Variants in FRMD6 observed in about 807,000 individuals in gnomAD.
FRMD6 encodes the protein FERM domain containing 6.
In FRMD6, 37 loss-of-function variants were observed where a neutral mutation model predicts 73.2. The ratio of observed to expected loss-of-function variants is 0.51; its 90% confidence interval spans 0.39 to 0.66. The LOEUF (loss-of-function observed/expected upper bound fraction) is 0.66, where lower values mean the gene tolerates loss of function less well. FRMD6 is among the 30% of genes least tolerant of loss of function. The probability of loss-of-function intolerance (pLI) is 0.00; values close to 1 mark genes in which losing one functional copy is unlikely to be tolerated. For synonymous variants in FRMD6, 273 were observed against 282.2 expected, an observed-to-expected ratio of 0.97 and a Z score of 0.33; for missense variants, 714 against 780.5, an observed-to-expected ratio of 0.91 and a Z score of 1.02.
At chr14:51,621,473 G>T (rs1890923973) in intron 2 of FRMD6, among the ~76,000 whole-genome samples, 1 of 152,184 alleles carries the variant, frequency 6.6e-6, no homozygotes, top group South Asian at 2.1e-4. Context: ...GCAACCCAAG[G>T]ACAGGTAGCC....
chr14:51,458,885 G>C, the FRMD6 span, among the ~76,000 whole-genome samples: 1 of 152,200 alleles, frequency 6.6e-6, no homozygotes, highest in Non-Finnish European at 1.5e-5. Context: ...AAACACTCAA[G>C]TTCACTGGTA....
intron 1 of FRMD6, among the ~76,000 whole-genome samples, chr14:51,555,119 G>A (rs1011273539): frequency 6.6e-6 from 1 of 152,192 alleles, no homozygotes; most frequent in Non-Finnish European, 1.5e-5. Flanking sequence ...GGGCAGTGAT[G>A]TAAAAACAGG....
At chr14:51,623,625 A>C (rs1321460155) in intron 2 of FRMD6, among the ~76,000 whole-genome samples, 2 of 152,162 alleles carry the variant, frequency 1.3e-5, no homozygotes, top group Non-Finnish European at 2.9e-5. Context: ...GTTTTCCCAG[A>C]TATCACAGTT....
upstream of FRMD6, chr14:51,650,985 T>C (rs916348548): frequency 6.6e-6 from 1 of 152,322 alleles, no homozygotes; most frequent in Non-Finnish European, 1.5e-5. Context: ...CAGCAGGTCC[T>C]GGTGGGCGCA....
the FRMD6 span, among the ~76,000 whole-genome samples, chr14:51,424,492 C>T: frequency 1.3e-5 from 2 of 152,150 alleles, no homozygotes; most frequent in Non-Finnish European, 2.9e-5. Context: ...AAATTAAAGG[C>T]TGTGAATCAG....
intron 2 of FRMD6, among the ~76,000 whole-genome samples, chr14:51,574,598 T>C (rs1596635007): frequency 6.6e-6 from 1 of 152,102 alleles, no homozygotes; most frequent in East Asian, 1.9e-4. Flanking sequence ...CCTCACTCAT[T>C]TATGGGAGCT....
the FRMD6 span, among the ~76,000 whole-genome samples, chr14:51,427,367 A>G: frequency 6.6e-6 from 1 of 152,250 alleles, no homozygotes; most frequent in Non-Finnish European, 1.5e-5. Context: ...TATGGGTCCA[A>G]AAGAAAGAGG....
intron 9 of FRMD6, 174 bp from the exon 10 acceptor site, chr14:51,715,151 C>T (rs1897169829): frequency 3.8e-6 from 2 of 532,552 alleles, no homozygotes; most frequent in Non-Finnish European, 6.3e-6. Context: ...CTGGTCATCC[C>T]CTGTCCTGTG....
intron 1 of FRMD6, among the ~76,000 whole-genome samples, chr14:51,513,782 CT>C (rs1884459631): frequency 6.6e-6 from 1 of 152,126 alleles, no homozygotes; most frequent in South Asian, 2.1e-4. Context: ...CATCCCATGC[CT>C]TCCTTGTCTC....
chr14:51,628,497 G>A (rs571473964), intron 2 of FRMD6, among the ~76,000 whole-genome samples: 146 of 151,980 alleles, frequency 9.6e-4, no homozygotes, highest in Middle Eastern at 6.8e-3. Flanking sequence ...TGTACTTTCT[G>A]TCTCTATAGA....
chr14:51,537,227 A>G (rs984764189), intron 1 of FRMD6, among the ~76,000 whole-genome samples: 28 of 152,174 alleles, frequency 1.8e-4, no homozygotes, highest in African/African-American at 5.6e-4. Flanking sequence ...TGCATTTTAC[A>G]GAGTGCCATC....
At chr14:51,588,432 G>A (rs1490500633) in intron 2 of FRMD6, among the ~76,000 whole-genome samples, 1 of 152,018 alleles carries the variant, frequency 6.6e-6, no homozygotes, top group Non-Finnish European at 1.5e-5. Flanking sequence ...AGAGAGAGAA[G>A]TTTAAAAGAA....
At chr14:51,496,783 G>A (rs1391582030) in intron 1 of FRMD6, among the ~76,000 whole-genome samples, 2 of 152,146 alleles carry the variant, frequency 1.3e-5, no homozygotes, top group African/African-American at 4.8e-5. Flanking sequence ...CTTCCCATAT[G>A]CAAAATACAC....
the FRMD6 span, among the ~76,000 whole-genome samples, chr14:51,465,191 A>C: frequency 6.6e-6 from 1 of 152,234 alleles, no homozygotes; most frequent in South Asian, 2.1e-4. Context: ...GAGACAAAAA[A>C]CGATAATGCT....
chr14:51,490,616 T>TGTGTGTGTGTG (rs1882938745), intron 1 of FRMD6, among the ~76,000 whole-genome samples: 2 of 148,024 alleles, frequency 1.4e-5, no homozygotes, highest in Non-Finnish European at 3.0e-5. Context: ...TGTGTGTATT[T>TGTGTGTGTGTG]TGTGTGTGTG....
At chr14:51,424,184 G>A in the FRMD6 span, among the ~76,000 whole-genome samples, 2 of 152,186 alleles carry the variant, frequency 1.3e-5, no homozygotes, top group South Asian at 4.1e-4. Flanking sequence ...CCTCTCGGGT[G>A]TGAAAGAACA....
chr14:51,716,241 A>G (rs986552439), intron 10 of FRMD6, among the ~76,000 whole-genome samples: 1 of 151,578 alleles, frequency 6.6e-6, no homozygotes, highest in Non-Finnish European at 1.5e-5. Context: ...GATTTCCTCC[A>G]TTTAACACAC....
At chr14:51,599,165 A>G (rs1249667664) in intron 2 of FRMD6, among the ~76,000 whole-genome samples, 3 of 142,874 alleles carry the variant, frequency 2.1e-5, no homozygotes, top group African/African-American at 7.8e-5. Context: ...TATGATGTTG[A>G]GCATTTTTTC....
intron 2 of FRMD6, among the ~76,000 whole-genome samples, chr14:51,595,453 T>C (rs1019568543): frequency 2.0e-5 from 3 of 152,152 alleles, no homozygotes; most frequent in Non-Finnish European, 4.4e-5. Flanking sequence ...GTTGGAAAGG[T>C]AGAGACCAAA....
Sources: allele counts gnomAD v4.1 joint callset (sites outside exome capture counted in the v4.1 genomes callset), GRCh38; gene constraint gnomAD v4.1.1; transcripts MANE v1.5; gene names NCBI Gene and HGNC (gene_info 2026-07-23, HGNC 2026-07-21).